CTNNA2: variants seen among roughly 807,000 people sequenced by gnomAD.
The protein encoded by CTNNA2 is catenin alpha 2, also known as catenin alpha-2.
Under a neutral mutation model 101.0 loss-of-function variants are expected in CTNNA2, and 42 were observed. The ratio of observed to expected loss-of-function variants is 0.42; its 90% CI spans 0.32 to 0.54. The LOEUF is 0.54. Ranked by LOEUF, CTNNA2 falls within the 20% of genes least tolerant of loss-of-function variation. The probability of loss-of-function intolerance (pLI) is 0.14; values close to 1 mark genes in which losing one functional copy is unlikely to be tolerated. For missense variants in CTNNA2, 871 were observed against 1,223.1 expected, an observed-to-expected ratio of 0.71 and a Z score of 4.29; for synonymous variants, 450 against 456.4, an observed-to-expected ratio of 0.99 and a Z score of 0.18.
At chr2:79,667,577 T>C (rs1272621993) in intron 2 of CTNNA2, among the ~76,000 whole-genome samples, 1 of 152,210 alleles carries the variant, frequency 6.6e-6, no homozygotes, top group African/African-American at 2.4e-5. Context: ...CTGGTAGGAA[T>C]GGGTTAAGTC....
chr2:79,785,856 T>C (rs1674797321), intron 3 of CTNNA2, among the ~76,000 whole-genome samples: 1 of 152,176 alleles, frequency 6.6e-6, no homozygotes, highest in Non-Finnish European at 1.5e-5. Context: ...TTTCTAACTT[T>C]GTAAGTATAT....
intron 8 of CTNNA2, among the ~76,000 whole-genome samples, chr2:80,417,220 T>C (rs1283785943): frequency 6.6e-6 from 1 of 151,568 alleles, no homozygotes; most frequent in African/African-American, 2.4e-5. Context: ...TATGAATGAT[T>C]AAATTAAGAT....
At chr2:79,265,297 T>C (rs902978261) in intron 2 of CTNNA2, among the ~76,000 whole-genome samples, 6 of 152,154 alleles carry the variant, frequency 3.9e-5, no homozygotes, top group African/African-American at 1.2e-4. Context: ...ACATCATACA[T>C]TTCTACCCTT....
chr2:79,862,688 G>T (rs1474050002), intron 4 of CTNNA2, among the ~76,000 whole-genome samples: 2 of 152,170 alleles, frequency 1.3e-5, no homozygotes, highest in Admixed American at 1.3e-4. Context: ...GTGCCAAGAT[G>T]TATTATTTTA....
intron 7 of CTNNA2, among the ~76,000 whole-genome samples, chr2:80,201,346 C>A (rs1298255038): frequency 1.3e-5 from 2 of 149,354 alleles, no homozygotes; most frequent in African/African-American, 4.9e-5. Flanking sequence ...TTTATCGTAT[C>A]CACAATATTT....
intron 2 of CTNNA2, among the ~76,000 whole-genome samples, chr2:79,280,533 A>C (rs1198734055): frequency 6.6e-6 from 1 of 151,512 alleles, no homozygotes; most frequent in East Asian, 2.0e-4. Context: ...AAGATACTCA[A>C]CCTCTTTGGG....
At chr2:79,241,748 G>C (rs1674627930) in intron 2 of CTNNA2, among the ~76,000 whole-genome samples, 1 of 152,188 alleles carries the variant, frequency 6.6e-6, no homozygotes. Flanking sequence ...TAAAGGTGTA[G>C]AAAAGATGAT....
At chr2:79,571,300 C>T (rs1675445343) in intron 1 of CTNNA2, among the ~76,000 whole-genome samples, 1 of 152,066 alleles carries the variant, frequency 6.6e-6, no homozygotes, top group South Asian at 2.1e-4. Flanking sequence ...CCCCACCATC[C>T]CAACCATCTG....
At chr2:80,341,081 T>A (rs1043276144) in intron 7 of CTNNA2, among the ~76,000 whole-genome samples, 1 of 151,930 alleles carries the variant, frequency 6.6e-6, no homozygotes, top group Non-Finnish European at 1.5e-5. Context: ...CTCTGTGGAG[T>A]TGGGGTGCAC....
At chr2:80,126,617 TCCCTCCCTCCCTCCCTC>T (rs1702132952) in intron 7 of CTNNA2, among the ~76,000 whole-genome samples, 5 of 39,132 alleles carry the variant, frequency 1.3e-4, no homozygotes, top group East Asian at 1.1e-3. Flanking sequence ...CCTCCCTCCC[TCCCTCCCTCCCTCCCTC>T]CCTTCCTTCC....
chr2:79,762,566 GATAAA>G (rs1672865867), intron 3 of CTNNA2, among the ~76,000 whole-genome samples: 1 of 151,942 alleles, frequency 6.6e-6, no homozygotes, highest in African/African-American at 2.4e-5. Context: ...AAAGAGCAAA[GATAAA>G]ATAAGTAATA....
intron 3 of CTNNA2, among the ~76,000 whole-genome samples, chr2:79,812,877 G>A (rs1475259170): frequency 1.1e-4 from 17 of 152,046 alleles, no homozygotes; most frequent in Admixed American, 1.0e-3. Flanking sequence ...TCCCTGGAAC[G>A]TCCTATGTCT....
chr2:80,514,972 C>A (rs1401832138), intron 9 of CTNNA2, among the ~76,000 whole-genome samples: 1 of 152,096 alleles, frequency 6.6e-6, no homozygotes, highest in African/African-American at 2.4e-5. Flanking sequence ...TCATCAGGGA[C>A]CTACCCCTGT....
intron 7 of CTNNA2, among the ~76,000 whole-genome samples, chr2:80,075,770 ATAT>A (rs1471769138): frequency 7.2e-6 from 1 of 139,628 alleles, no homozygotes; most frequent in Non-Finnish European, 1.5e-5. Flanking sequence ...ACTTGTATAA[ATAT>A]TATAAAATAA....
intron 7 of CTNNA2, among the ~76,000 whole-genome samples, chr2:80,016,635 G>A (rs1694171492): frequency 1.3e-5 from 2 of 152,184 alleles, no homozygotes; most frequent in South Asian, 4.2e-4. Flanking sequence ...TAGAGGATCA[G>A]GGAATCTCTG....
intron 2 of CTNNA2, among the ~76,000 whole-genome samples, chr2:79,235,808 C>A (rs1275397289): frequency 1.3e-5 from 2 of 152,218 alleles, no homozygotes; most frequent in East Asian, 3.8e-4. Context: ...CTGATGAGTT[C>A]AGACAGAAGC....
chr2:79,627,290 A>G (rs1194150794), intron 1 of CTNNA2, among the ~76,000 whole-genome samples: 1 of 152,264 alleles, frequency 6.6e-6, no homozygotes, highest in Non-Finnish European at 1.5e-5. Context: ...GCTATAAACC[A>G]TAAAACAAGT....
intron 2 of CTNNA2, among the ~76,000 whole-genome samples, chr2:79,694,500 CTG>C (rs1558845782): frequency 6.6e-6 from 1 of 151,078 alleles, no homozygotes; most frequent in Non-Finnish European, 1.5e-5. Context: ...GAGCTTAACT[CTG>C]TATATTTTAT....
chr2:79,454,372 TCA>T (rs1213932204), intron 4 of CTNNA2, among the ~76,000 whole-genome samples: 2 of 152,158 alleles, frequency 1.3e-5, no homozygotes, highest in African/African-American at 4.8e-5. Flanking sequence ...ACACACCCTC[TCA>T]CACACACAGT....
Sources: gnomAD v4.1 joint callset for allele counts (sites outside exome capture counted in the v4.1 genomes callset) on GRCh38, gnomAD v4.1.1 for gene constraint, MANE v1.5 for transcripts, NCBI Gene and HGNC (gene_info 2026-07-23, HGNC 2026-07-21) for gene names.